Variants in LRRTM4 observed in about 807,000 individuals in gnomAD.
The protein encoded by LRRTM4 is leucine rich repeat transmembrane neuronal 4, also known as leucine-rich repeat transmembrane neuronal protein 4.
LRRTM4 carries 25 observed loss-of-function variants against 47.6 expected under a neutral mutation model. The observed-to-expected ratio is 0.53, with a 90% confidence interval of 0.38 to 0.73. The LOEUF (loss-of-function observed/expected upper bound fraction) is 0.73. Among genes scored for constraint, LRRTM4 ranks in the 30% least tolerant of loss-of-function variants. The pLI, the probability that LRRTM4 is intolerant of heterozygous loss-of-function variation, is 0.00. For synonymous variants in LRRTM4, 311 were observed against 269.5 expected (o/e 1.15, Z -1.51); for missense variants, 638 against 713.4 (o/e 0.89, Z 1.20).
At chr2:76,754,894 C>T (rs62170445) in intron 3 of LRRTM4, among the ~76,000 whole-genome samples, 17,155 of 152,160 alleles carry the variant, frequency 0.11, 1,248 homozygotes, top group Middle Eastern at 0.16. Flanking sequence ...CTGCAGCACT[C>T]ACGGGAGCTC....
chr2:77,357,116 T>A (rs867116244), intron 3 of LRRTM4, among the ~76,000 whole-genome samples: 1 of 152,304 alleles, frequency 6.6e-6, no homozygotes, highest in African/African-American at 2.4e-5. Context: ...ATGCCTGAGA[T>A]ATTTTATTAT....
chr2:77,443,338 C>T (rs957142296), intron 3 of LRRTM4, among the ~76,000 whole-genome samples: 104 of 152,206 alleles, frequency 6.8e-4, no homozygotes, highest in African/African-American at 2.3e-3. Flanking sequence ...ATATTCATTA[C>T]TTAGATGTTT....
intron 3 of LRRTM4, among the ~76,000 whole-genome samples, chr2:77,124,583 C>T (rs1304980252): frequency 6.6e-6 from 1 of 152,160 alleles, no homozygotes; most frequent in Admixed American, 6.6e-5. Flanking sequence ...CACATCATCA[C>T]ACCAGATGAT....
At chr2:77,285,558 G>A (rs1249516153) in intron 3 of LRRTM4, among the ~76,000 whole-genome samples, 6 of 151,292 alleles carry the variant, frequency 4.0e-5, no homozygotes, top group South Asian at 2.1e-4. Context: ...TTTGGCCAAC[G>A]TGGTGAAACC....
chr2:77,061,360 T>C (rs1353723453), intron 3 of LRRTM4, among the ~76,000 whole-genome samples: 2 of 152,122 alleles, frequency 1.3e-5, no homozygotes, highest in Admixed American at 1.3e-4. Flanking sequence ...ATTTATTCTG[T>C]CTAGTCCACC....
intron 3 of LRRTM4, among the ~76,000 whole-genome samples, chr2:77,159,765 G>A (rs1029670900): frequency 4.1e-4 from 63 of 151,924 alleles, no homozygotes; most frequent in African/African-American, 1.5e-3. Flanking sequence ...CTCTATGGAA[G>A]TACATCATGA....
chr2:77,070,210 C>T (rs985154645), intron 3 of LRRTM4, among the ~76,000 whole-genome samples: 8 of 152,052 alleles, frequency 5.3e-5, no homozygotes, highest in Non-Finnish European at 1.2e-4. Flanking sequence ...CAAATTCATG[C>T]TTCTTACAGA....
At chr2:77,036,291 T>G (rs1344852528) in intron 3 of LRRTM4, among the ~76,000 whole-genome samples, 1 of 151,802 alleles carries the variant, frequency 6.6e-6, no homozygotes, top group Non-Finnish European at 1.5e-5. Context: ...ATTTCTGGCT[T>G]TATCCACATT....
intron 3 of LRRTM4, among the ~76,000 whole-genome samples, chr2:77,411,105 G>C (rs1397420594): frequency 1.3e-5 from 2 of 152,180 alleles, no homozygotes; most frequent in Non-Finnish European, 2.9e-5. Flanking sequence ...TAGAGGGGTA[G>C]AGTACCTTTG....
intron 3 of LRRTM4, among the ~76,000 whole-genome samples, chr2:77,368,482 A>T (rs1230659240): frequency 2.0e-5 from 3 of 151,770 alleles, no homozygotes; most frequent in Non-Finnish European, 2.9e-5. Context: ...GCCTTCATTT[A>T]ATCCTCATAA....
At chr2:76,910,318 G>A (rs1261369219) in intron 3 of LRRTM4, among the ~76,000 whole-genome samples, 1 of 145,272 alleles carries the variant, frequency 6.9e-6, no homozygotes, top group African/African-American at 2.5e-5. Flanking sequence ...GACACAGGAA[G>A]GGGAACATCA....
chr2:76,886,732 A>G (rs1673087210), intron 3 of LRRTM4, among the ~76,000 whole-genome samples: 1 of 152,056 alleles, frequency 6.6e-6, no homozygotes, highest in African/African-American at 2.4e-5. Context: ...AAAAAAATTA[A>G]TGAAGAAAAA....
At chr2:76,893,163 A>C (rs1253795180) in intron 3 of LRRTM4, among the ~76,000 whole-genome samples, 1 of 151,674 alleles carries the variant, frequency 6.6e-6, no homozygotes, top group Non-Finnish European at 1.5e-5. Flanking sequence ...TTATTCTCTC[A>C]TTTCATCACA....
At chr2:77,084,402 C>T (rs1013633300) in intron 3 of LRRTM4, among the ~76,000 whole-genome samples, 7 of 152,150 alleles carry the variant, frequency 4.6e-5, no homozygotes, top group African/African-American at 1.7e-4. Context: ...TTTATAGCGG[C>T]CTTCAGAATT....
At chr2:77,176,555 G>T (rs1289017291) in intron 3 of LRRTM4, among the ~76,000 whole-genome samples, 1 of 152,172 alleles carries the variant, frequency 6.6e-6, no homozygotes, top group Non-Finnish European at 1.5e-5. Context: ...CTCTGGAAAT[G>T]ATGCTAATGA....
chr2:76,871,177 A>G (rs1302864195), intron 3 of LRRTM4, among the ~76,000 whole-genome samples: 2 of 152,196 alleles, frequency 1.3e-5, no homozygotes, highest in African/African-American at 4.8e-5. Context: ...ACATATAGAG[A>G]TGCTAAAATA....
chr2:77,084,784 T>G (rs1416284969), intron 3 of LRRTM4, among the ~76,000 whole-genome samples: 1 of 152,208 alleles, frequency 6.6e-6, no homozygotes, highest in African/African-American at 2.4e-5. Context: ...TACACAGGGC[T>G]CTGCATAGAT....
At chr2:77,192,382 A>G (rs1673692877) in intron 3 of LRRTM4, among the ~76,000 whole-genome samples, 1 of 152,012 alleles carries the variant, frequency 6.6e-6, no homozygotes, top group Non-Finnish European at 1.5e-5. Context: ...ATTATTGCTA[A>G]TTTTTACTTT....
chr2:77,437,888 G>A (rs1156338916), intron 3 of LRRTM4, among the ~76,000 whole-genome samples: 1 of 152,058 alleles, frequency 6.6e-6, no homozygotes, highest in Non-Finnish European at 1.5e-5. Context: ...AATGAGTAGG[G>A]ATGATTATCA....
Sources: allele counts gnomAD v4.1 joint callset (sites outside exome capture counted in the v4.1 genomes callset), GRCh38; gene constraint gnomAD v4.1.1; transcripts MANE v1.5; gene names NCBI Gene and HGNC (gene_info 2026-07-23, HGNC 2026-07-21).